Variants in SLC41A1 observed in about 807,000 individuals in gnomAD.
The protein encoded by SLC41A1 is solute carrier family 41 member 1.
In SLC41A1, 20 loss-of-function variants were observed where a neutral mutation model predicts 47.3. That is an observed-to-expected ratio of 0.42 (90% CI 0.30 to 0.61). The LOEUF is 0.61. Among genes scored for constraint, SLC41A1 ranks in the 20% least tolerant of loss-of-function variants. The probability of loss-of-function intolerance (pLI) is 0.17; values close to 1 mark genes in which losing one functional copy is unlikely to be tolerated. For synonymous variants in SLC41A1, 282 were observed against 272.7 expected (o/e 1.03, Z -0.34); for missense variants, 504 against 674.1 (o/e 0.75, Z 2.79).
chr1:205,806,912 AC>A (rs760420390), intron 2 of SLC41A1, among the ~76,000 whole-genome samples: 1 of 152,088 alleles, frequency 6.6e-6, no homozygotes, highest in Non-Finnish European at 1.5e-5. Flanking sequence ...TGAAAAAGAA[AC>A]CAAGTTTTCT....
rs369472029 is a variant in SLC41A1 at position 205,810,019 on chromosome 1, G to A, written c.372+51C>T. 3.0e-5 allele frequency: 48 copies of A among 1,612,626 alleles called. No individual in the cohort carries two copies. The African/African-American group carries it at 5.6e-4, about 19-fold the overall frequency. ...GAGGAAGTTCCAAGTTTCCCAGCAG[G>A]CAAAGGTGGCCCTGGGCTCACAGTC... On this transcript the variant is annotated intron_variant, in intron 2 of 10. Transcript: ENST00000367137. The surrounding 1 kb of genome is among the most constrained non-coding windows in gnomAD (Gnocchi z 5.5).
At chr1:205,795,292 T>C (rs1045570789) in intron 9 of SLC41A1, 52 bp downstream of exon 9, 5 of 1,613,552 alleles carry the variant, frequency 3.1e-6, no homozygotes, top group Non-Finnish European at 4.2e-6. Context: ...TGAAGCTCAC[T>C]GACAGTAGGC....
At chr1:205,809,409 C>T (rs1656090845) in intron 2 of SLC41A1, among the ~76,000 whole-genome samples, 1 of 152,158 alleles carries the variant, frequency 6.6e-6, no homozygotes, top group Admixed American at 6.5e-5. Context: ...ACAGTTCTGC[C>T]CAGGCCTAGT....
Position 205,798,014 on chromosome 1 carries a change from G to A in SLC41A1, c.882C>T (p.Phe294=). 6.2e-7 allele frequency: 1 copy of A among 1,614,178 alleles called. No individual in the cohort carries two copies. Among genetic ancestry groups the A allele is most frequent in the Non-Finnish European group, 8.5e-7 (1 of 1,180,040 alleles). ...WRYIYPLVCA[F]FVALLPVWVV... ...CCCAGACAGGCAGCAGGGCCACAAA[G>A]AAAGCACACACCAGTGGGTAGATGT... Residue 294 remains phenylalanine (F), a synonymous_variant, in exon 7 of 11, where the codon TTC becomes TTT. Coordinates refer to ENST00000367137, the MANE Select transcript of SLC41A1 (RefSeq NM_173854.6).
Position 205,797,892 on chromosome 1 carries a change from GC to G in SLC41A1, c.992+11del. 6.2e-7 allele frequency: 1 copy of G among 1,613,898 alleles called. No individual in the cohort carries two copies. The highest frequency in any genetic ancestry group is 8.5e-7 in the Non-Finnish European group (1 of 1,180,018). ...AGTGGGGTAGGAGTGGATACTCAGG[GC>G]CCCAGCCTACCTGCTGATGGCCATG... On this transcript the variant is annotated intron_variant, in intron 7 of 10. Coordinates refer to ENST00000367137, the MANE Select transcript of SLC41A1 (RefSeq NM_173854.6).
At chr1:205,804,316 A>T (rs1309769723) in intron 2 of SLC41A1, among the ~76,000 whole-genome samples, 1 of 152,074 alleles carries the variant, frequency 6.6e-6, no homozygotes, top group Non-Finnish European at 1.5e-5. Flanking sequence ...GACTCATTTC[A>T]CTGGGGCTGG....
chr1:205,794,726 C>T, intron 10 of SLC41A1, 144 bp downstream of exon 10: 2 of 1,111,852 alleles, frequency 1.8e-6, no homozygotes, highest in Non-Finnish European at 2.6e-6. Flanking sequence ...ATCTGTTCTC[C>T]TGCACCCTTG....
chr1:205,807,377 G>GTGCC, intron 2 of SLC41A1, among the ~76,000 whole-genome samples: 1 of 152,208 alleles, frequency 6.6e-6, no homozygotes, highest in Middle Eastern at 3.4e-3. Context: ...GTGAGCTGAG[G>GTGCC]TGCCACACTG....
intron 8 of SLC41A1, chr1:205,795,982 C>T (rs1242030960): frequency 8.5e-6 from 2 of 236,098 alleles, no homozygotes; most frequent in African/African-American, 2.3e-5. Flanking sequence ...ACTCTGGAAT[C>T]TGGTATCTCC....
intron 10 of SLC41A1, among the ~76,000 whole-genome samples, chr1:205,793,048 G>C (rs1225203618): frequency 6.6e-6 from 1 of 151,916 alleles, no homozygotes; most frequent in South Asian, 2.1e-4. Flanking sequence ...CAGCTGTCTT[G>C]TGCTACCACG....
chr1:205,799,885 C>T (rs1370476495), intron 3 of SLC41A1, 55 bp from the exon 4 acceptor site: 2 of 1,494,014 alleles, frequency 1.3e-6, no homozygotes, highest in South Asian at 2.3e-5. Flanking sequence ...GCCTGAAGCT[C>T]CATCCATTAG....
At chr1:205,798,111 C>T in intron 6 of SLC41A1, 60 bp from the exon 7 acceptor site, 1 of 1,609,752 alleles carries the variant, frequency 6.2e-7, no homozygotes, top group Non-Finnish European at 8.5e-7. Flanking sequence ...AAGTTTCTCC[C>T]TGGCTCAGCC....
intron 8 of SLC41A1, 78 bp downstream of exon 8, chr1:205,796,846 C>T: frequency 1.4e-6 from 2 of 1,450,298 alleles, no homozygotes; most frequent in Admixed American, 3.9e-5. Context: ...GATACAGAAA[C>T]CAACCCCTTA....
chr1:205,806,314 A>T (rs772059538), intron 2 of SLC41A1, among the ~76,000 whole-genome samples: 1 of 152,168 alleles, frequency 6.6e-6, no homozygotes, highest in Non-Finnish European at 1.5e-5. Flanking sequence ...CAGGAGGAAT[A>T]CTTCCTTCCC....
Position 205,810,456 on chromosome 1 carries a change from A to AG in SLC41A1, c.-16dup. The AG allele has an allele frequency of 6.2e-7, 1 of 1,614,126 alleles. No homozygotes were observed. Among genetic ancestry groups the AG allele is most frequent in the Non-Finnish European group, 8.5e-7 (1 of 1,180,030 alleles). ...TTAGAGGACATGACAGGCACGGAGG[A>AG]GGGGAAGGGAGAACTTTCCTCTCTT... On this transcript the variant is annotated 5_prime_UTR_variant, in exon 2 of 11. Transcript: ENST00000367137. This position sits in a 1 kb window ranked among gnomAD's most constrained non-coding sequence, Gnocchi z 5.5.
intron 9 of SLC41A1, 148 bp downstream of exon 9, chr1:205,795,196 T>C: frequency 1.4e-6 from 2 of 1,450,446 alleles, no homozygotes; most frequent in Non-Finnish European, 1.9e-6. Context: ...ACAGCCCTCC[T>C]GCCTGGGCTC....
chr1:205,797,944 A>C lies in SLC41A1; in HGVS notation c.952T>G (p.Ser318Ala). The C allele has an allele frequency of 6.2e-7, 1 of 1,614,212 alleles. No homozygotes were observed. The highest frequency in any genetic ancestry group is 8.5e-7 in the Non-Finnish European group (1 of 1,180,042). Residue 318 changes from serine to alanine, a missense_variant, in exon 7 of 11, where the codon TCG (serine) becomes GCG (alanine). By Grantham distance (99) the Ser-to-Ala change is moderately conservative. Coordinates refer to ENST00000367137, the MANE Select transcript of SLC41A1 (RefSeq NM_173854.6). ...GCAATGATAACAGGCTCCCAGCCCG[A>C]GTACAACACCTCCCTTGTGGCTGGA... ...RSPATREVLY[S>A]GWEPVIIAMA...
At chr1:205,795,502 GAC>G (rs1655730377) in intron 8 of SLC41A1, 24 bp from the exon 9 acceptor site, 12 of 1,613,938 alleles carry the variant, frequency 7.4e-6, no homozygotes, top group Non-Finnish European at 1.0e-5. Flanking sequence ...TACGGGCTTA[GAC>G]ACAGACAGAG....
At position 205,791,559 on chromosome 1, in the gene SLC41A1, C is replaced by T; in HGVS notation, c.1516G>A (p.Asp506Asn). The change falls in exon 11 of 11, where the codon GAC becomes AAC. Residue 506 changes from aspartate (D) to asparagine (N), a missense_variant. Physicochemically the swap from Asp to Asn is conservative, Grantham distance 23. This residue lies in a region of SLC41A1 where 421 missense variants were observed against 601.6 expected (regional missense o/e 0.70). Coordinates refer to ENST00000367137, the MANE Select transcript of SLC41A1 (RefSeq NM_173854.6). This position sits in a 1 kb window ranked among gnomAD's most constrained non-coding sequence, Gnocchi z 4.0. ...TAGTCCCCGACATCCGTGTCTCGGT[C>T]CCCTATGAGCCAGAGAACATGGAAG... ...LSFHVLWLIG[D>N]RDTDVGD 1 of 1,614,064 alleles carries T rather than the reference C, an allele frequency of 6.2e-7. No homozygotes were observed. Among genetic ancestry groups the T allele is most frequent in the Non-Finnish European group, 8.5e-7 (1 of 1,180,012 alleles).
Sources: gnomAD v4.1 joint callset for allele counts (sites outside exome capture counted in the v4.1 genomes callset) on GRCh38, gnomAD v4.1.1 for gene constraint, gnomAD v4.1.1 regional missense constraint, Gnocchi (gnomAD v3.1) non-coding constraint, MANE v1.5 for transcripts, NCBI Gene and HGNC (gene_info 2026-07-23, HGNC 2026-07-21) for gene names.